DIAPH2: variants seen among roughly 807,000 people sequenced by gnomAD.
DIAPH2 encodes the protein protein diaphanous homolog 2.
Under a neutral mutation model 92.7 loss-of-function variants are expected in DIAPH2, and 35 were observed. That is an observed-to-expected ratio of 0.38 (90% CI 0.29 to 0.50). DIAPH2 has a LOEUF of 0.50. Among genes scored for constraint, DIAPH2 ranks in the 20% least tolerant of loss-of-function variants. The pLI is 0.94. For synonymous variants in DIAPH2, 301 were observed against 280.4 expected, an observed-to-expected ratio of 1.07 and a Z score of -0.73; for missense variants, 701 against 819.5, an observed-to-expected ratio of 0.86 and a Z score of 1.77.
At chrX:97,558,378 G>A (rs1188136477) in intron 26 of DIAPH2, among the ~76,000 whole-genome samples, 1 of 111,895 alleles carries the variant, frequency 8.9e-6, no homozygotes, top group Non-Finnish European at 1.9e-5. Flanking sequence ...GGATCCAAGG[G>A]ATCAGGCACA....
At chrX:97,258,787 C>T (rs1303877121) in intron 23 of DIAPH2, among the ~76,000 whole-genome samples, 2 of 97,645 alleles carry the variant, frequency 2.0e-5, no homozygotes, top group Admixed American at 2.3e-4. Context: ...AGGAGAATGG[C>T]GTGAACCCGG....
intron 17 of DIAPH2, among the ~76,000 whole-genome samples, chrX:96,990,219 T>A (rs1449760321): frequency 8.9e-6 from 1 of 112,199 alleles, no homozygotes. Flanking sequence ...CCCCAGTCTT[T>A]CCATTTCTGC....
At chrX:96,874,126 G>T (rs185762826) in intron 4 of DIAPH2, among the ~76,000 whole-genome samples, 13 of 111,542 alleles carry the variant, frequency 1.2e-4, no homozygotes, top group Non-Finnish European at 2.5e-4. Flanking sequence ...ACTGTAATCT[G>T]TTTCCTATAT....
chrX:97,360,968 C>A, intron 24 of DIAPH2, among the ~76,000 whole-genome samples: 1 of 110,393 alleles, frequency 9.1e-6, no homozygotes, highest in Non-Finnish European at 1.9e-5. Context: ...CCCCTGGGCT[C>A]AAGCTATCCT....
intron 26 of DIAPH2, among the ~76,000 whole-genome samples, chrX:97,487,490 G>A (rs959910896): frequency 2.7e-5 from 3 of 110,874 alleles, no homozygotes; most frequent in Non-Finnish European, 5.7e-5. Context: ...TAGCCAGGAT[G>A]GTCTTGATCT....
At chrX:97,096,388 C>G (rs893305537) in intron 19 of DIAPH2, among the ~76,000 whole-genome samples, 16 of 111,913 alleles carry the variant, frequency 1.4e-4, no homozygotes, top group African/African-American at 5.2e-4. Context: ...ATTTTTCTTG[C>G]TCTTGCTCAT....
At chrX:96,825,318 T>C (rs1205909397) in intron 4 of DIAPH2, among the ~76,000 whole-genome samples, 2 of 108,461 alleles carry the variant, frequency 1.8e-5, no homozygotes, top group Non-Finnish European at 3.8e-5. Flanking sequence ...AAACTTGAAA[T>C]ATTGATGTAA....
chrX:97,388,233 G>A lies in DIAPH2; in HGVS notation c.3145+4189G>A, dbSNP rs185215690. 2.0e-4 allele frequency among the ~76,000 whole-genome samples: 22 copies of A among 111,934 alleles called. No individual in the cohort carries two copies. In the Admixed American group the frequency reaches 2.1e-3, roughly 11 times the overall value. ...CTCTCCTAGATTCTAGTAGTTTTCTGCTTTGTCACAGCATAACTTCAACCT... is the reference window on the plus strand; with the variant it reads ...CTCTCCTAGATTCTAGTAGTTTTCTACTTTGTCACAGCATAACTTCAACCT... On this transcript the variant is annotated intron_variant, in intron 25 of 26. Transcript: ENST00000324765.
At chrX:97,075,701 A>T (rs1348934774) in intron 19 of DIAPH2, among the ~76,000 whole-genome samples, 1 of 111,969 alleles carries the variant, frequency 8.9e-6, no homozygotes, top group African/African-American at 3.3e-5. Context: ...TCTAACTTTT[A>T]CCCAACTCTG....
At chrX:97,259,383 A>C (rs939118310) in intron 23 of DIAPH2, among the ~76,000 whole-genome samples, 2 of 112,055 alleles carry the variant, frequency 1.8e-5, no homozygotes, top group African/African-American at 6.5e-5. Flanking sequence ...TTTGGCTGGA[A>C]GTAGTGAGAG....
At chrX:96,749,155 T>A (rs1160146017) in intron 3 of DIAPH2, among the ~76,000 whole-genome samples, 5 of 98,593 alleles carry the variant, frequency 5.1e-5, no homozygotes, top group African/African-American at 1.5e-4. Context: ...AATATATATA[T>A]ATATATATAT....
At chrX:96,838,680 AT>A (rs2064915035) in intron 4 of DIAPH2, among the ~76,000 whole-genome samples, 1 of 111,270 alleles carries the variant, frequency 9.0e-6, no homozygotes, top group Admixed American at 9.5e-5. Flanking sequence ...ATGAAAAGAA[AT>A]GAGAGAGTCA....
intron 4 of DIAPH2, among the ~76,000 whole-genome samples, chrX:96,855,129 A>T (rs1331674592): frequency 9.1e-6 from 1 of 110,392 alleles, no homozygotes; most frequent in Non-Finnish European, 1.9e-5. Flanking sequence ...CGTTGCTTGG[A>T]ATATTTTTCT....
At chrX:97,460,373 AAGC>A (rs747702751) in intron 26 of DIAPH2, among the ~76,000 whole-genome samples, 1 of 112,062 alleles carries the variant, frequency 8.9e-6, no homozygotes, top group African/African-American at 3.2e-5. Context: ...TTTAAAGAAA[AAGC>A]AGCAGTAAAA....
intron 25 of DIAPH2, among the ~76,000 whole-genome samples, chrX:97,400,192 A>G (rs1443022187): frequency 3.6e-5 from 4 of 112,403 alleles, no homozygotes; most frequent in Non-Finnish European, 7.5e-5. Context: ...TCATTAGCAA[A>G]GATGCCTTTT....
intron 23 of DIAPH2, among the ~76,000 whole-genome samples, chrX:97,342,276 C>G (rs1237969050): frequency 2.7e-5 from 3 of 112,092 alleles, no homozygotes; most frequent in Non-Finnish European, 5.6e-5. Context: ...GTACTCAAGT[C>G]AGCCCATGAC....
chrX:96,909,971 T>G (rs1229862600), intron 5 of DIAPH2, among the ~76,000 whole-genome samples: 1 of 110,698 alleles, frequency 9.0e-6, no homozygotes, highest in Non-Finnish European at 1.9e-5. Context: ...ATTCAGAATT[T>G]TAGAAACAAT....
chrX:97,292,883 C>G (rs1473779033), intron 23 of DIAPH2, among the ~76,000 whole-genome samples: 1 of 111,234 alleles, frequency 9.0e-6, no homozygotes, highest in Non-Finnish European at 1.9e-5. Flanking sequence ...GATATAAATT[C>G]TTAATAAACT....
intron 23 of DIAPH2, among the ~76,000 whole-genome samples, chrX:97,252,549 A>G (rs986132861): frequency 9.0e-6 from 1 of 111,699 alleles, no homozygotes; most frequent in African/African-American, 3.2e-5. Context: ...AATAATTTTT[A>G]AGTAGATGAA....
Sources: gnomAD v4.1 joint callset for allele counts (sites outside exome capture counted in the v4.1 genomes callset) on GRCh38, gnomAD v4.1.1 for gene constraint, MANE v1.5 for transcripts, NCBI Gene and HGNC (gene_info 2026-07-23, HGNC 2026-07-21) for gene names.